Variants in SH3GL2 observed in about 807,000 individuals in gnomAD.
The protein encoded by SH3GL2 is endophilin-A1.
In SH3GL2, 24 loss-of-function variants were observed where a neutral mutation model predicts 46.0. The observed-to-expected ratio is 0.52, with a 90% CI of 0.38 to 0.73. The LOEUF is 0.73. Ranked by LOEUF, SH3GL2 falls within the 30% of genes least tolerant of loss-of-function variation. The pLI is 0.00. For synonymous variants in SH3GL2, 196 were observed against 147.1 expected, an observed-to-expected ratio of 1.33 and a Z score of -2.40; for missense variants, 413 against 424.2, an observed-to-expected ratio of 0.97 and a Z score of 0.23.
At chr9:17,640,151 T>C (rs1819642122) in intron 1 of SH3GL2, among the ~76,000 whole-genome samples, 1 of 151,718 alleles carries the variant, frequency 6.6e-6, no homozygotes, top group Non-Finnish European at 1.5e-5. Flanking sequence ...GTCATTAATT[T>C]GTAAAATTAT....
At chr9:17,731,132 C>T (rs1822167802) in intron 1 of SH3GL2, among the ~76,000 whole-genome samples, 1 of 152,062 alleles carries the variant, frequency 6.6e-6, no homozygotes, top group African/African-American at 2.4e-5. Context: ...AAAGCAGCGT[C>T]CTTTGGTTAT....
In SH3GL2 at chr9:17,793,603, A is replaced by G. The variant is rs1588343199; in HGVS notation, c.859+106A>G. ...CAATCTGGCTGCATAGGAAATATGC[A>G]GTAATACATTTCTTATGGAGTCAGT... On this transcript the variant is annotated intron_variant, in intron 8 of 8. Transcript: ENST00000380607. 6 of 1,050,420 alleles carry G rather than the reference A, an allele frequency of 5.7e-6. No homozygotes were observed. The East Asian group carries it at 1.6e-4, about 27-fold the overall frequency. The allele number at this position is 1,050,420 out of a possible 1,614,324, so 65.1% of individuals were successfully genotyped here.
At chr9:17,733,772 A>G (rs1439123117) in intron 1 of SH3GL2, among the ~76,000 whole-genome samples, 1 of 152,144 alleles carries the variant, frequency 6.6e-6, no homozygotes, top group Non-Finnish European at 1.5e-5. Flanking sequence ...CATATACACC[A>G]TGGAATACTA....
chr9:17,742,432 A>G (rs1050010489), intron 1 of SH3GL2, among the ~76,000 whole-genome samples: 3 of 152,204 alleles, frequency 2.0e-5, no homozygotes, highest in Admixed American at 2.0e-4. Context: ...AATATAGCAT[A>G]AGACATCCAC....
intron 1 of SH3GL2, among the ~76,000 whole-genome samples, chr9:17,617,061 A>C (rs898643965): frequency 1.3e-5 from 2 of 152,134 alleles, no homozygotes; most frequent in African/African-American, 4.8e-5. Flanking sequence ...GAATGCTAGC[A>C]TACATACTAT....
chr9:17,665,237 T>C (rs1444861085), intron 1 of SH3GL2, among the ~76,000 whole-genome samples: 1 of 152,192 alleles, frequency 6.6e-6, no homozygotes, highest in Non-Finnish European at 1.5e-5. Context: ...AACAAAACTT[T>C]TTATATCCAG....
At chr9:17,587,540 C>T (rs966469243) in intron 1 of SH3GL2, among the ~76,000 whole-genome samples, 16 of 152,312 alleles carry the variant, frequency 1.1e-4, no homozygotes, top group South Asian at 8.3e-4. Context: ...ATAGGGTTTT[C>T]ACTATCCATG....
chr9:17,673,134 A>G (rs577208529), intron 1 of SH3GL2, among the ~76,000 whole-genome samples: 3 of 149,214 alleles, frequency 2.0e-5, no homozygotes, highest in South Asian at 2.1e-4. Flanking sequence ...AGAGTCTCTC[A>G]CCTTGACTTT....
chr9:17,795,712 A>T lies in SH3GL2; in HGVS notation c.1028A>T (p.Tyr343Phe). Residue 343 changes from tyrosine (Y) to phenylalanine (F), a missense_variant, in exon 9 of 9, where the codon TAT becomes TTT. By Grantham distance (22) the Tyr-to-Phe change is conservative. Transcript: ENST00000380607. Reference sequence around the variant, plus strand: ...CATTCAGGCTTCTTCCCCATCAATTATGTGGAAATTCTGGTTGCCCTGCCC... The same window carrying T: ...CATTCAGGCTTCTTCCCCATCAATTTTGTGGAAATTCTGGTTGCCCTGCCC... ...HGHSGFFPIN[Y>F]VEILVALPH 2 of 1,613,990 alleles carry T rather than the reference A, an allele frequency of 1.2e-6. No individual in the cohort carries two copies. The highest frequency in any genetic ancestry group is 1.1e-5 in the South Asian group (1 of 91,062).
chr9:17,757,314 C>G (rs1000668155), intron 2 of SH3GL2, among the ~76,000 whole-genome samples: 9 of 152,124 alleles, frequency 5.9e-5, no homozygotes, highest in African/African-American at 1.9e-4. Context: ...CAAATGGGAT[C>G]TAATTAAACT....
intron 3 of SH3GL2, among the ~76,000 whole-genome samples, chr9:17,774,041 T>G (rs9406713): frequency 0.1 from 15,410 of 152,162 alleles, 867 homozygotes; most frequent in Non-Finnish European, 0.11. Flanking sequence ...CCTGAGTATT[T>G]TATTCTTTTT....
chr9:17,768,461 A>C (rs963998199), intron 3 of SH3GL2, among the ~76,000 whole-genome samples: 1 of 152,078 alleles, frequency 6.6e-6, no homozygotes, highest in African/African-American at 2.4e-5. Context: ...ATTGAGAATT[A>C]AGTTAATGGC....
In SH3GL2 at chr9:17,664,130, A is replaced by C. The variant is rs1443430327; in HGVS notation, c.46-82936A>C. Among the ~76,000 whole-genome samples, 6 of 152,324 alleles carry C rather than the reference A, an allele frequency of 3.9e-5. No homozygotes were observed. The East Asian group carries it at 1.2e-3, about 29-fold the overall frequency. Reference sequence around the variant, plus strand: ...TCCTAGCATTAATTCAGTACGCCTAAGTGAAGTTGCTAGCTGCTAAAGAAA... The same window carrying C: ...TCCTAGCATTAATTCAGTACGCCTACGTGAAGTTGCTAGCTGCTAAAGAAA... On this transcript the variant is annotated intron_variant, in intron 1 of 8. Coordinates refer to ENST00000380607, the MANE Select transcript of SH3GL2 (RefSeq NM_003026.5).
intron 1 of SH3GL2, among the ~76,000 whole-genome samples, chr9:17,716,287 G>A (rs1821755596): frequency 6.6e-6 from 1 of 152,028 alleles, no homozygotes; most frequent in South Asian, 2.1e-4. Flanking sequence ...TTGACTTAGG[G>A]GGCTGGATGT....
chr9:17,619,431 A>G (rs1426899209), intron 1 of SH3GL2, among the ~76,000 whole-genome samples: 1 of 152,202 alleles, frequency 6.6e-6, no homozygotes, highest in Non-Finnish European at 1.5e-5. Flanking sequence ...TAATCCCAGC[A>G]CTTTGGGAGG....
intron 1 of SH3GL2, among the ~76,000 whole-genome samples, chr9:17,714,777 A>T (rs1821710942): frequency 6.6e-6 from 1 of 151,796 alleles, no homozygotes. Flanking sequence ...ATAGGTTTTA[A>T]CAACAAAAAA....
intron 1 of SH3GL2, among the ~76,000 whole-genome samples, chr9:17,656,663 C>A (rs1251607495): frequency 6.8e-6 from 1 of 147,398 alleles, no homozygotes; most frequent in Non-Finnish European, 1.5e-5. Flanking sequence ...TATTGAGGAG[C>A]ATGTTTTGAA....
chr9:17,783,997 A>G (rs1823885250), intron 3 of SH3GL2, among the ~76,000 whole-genome samples: 1 of 152,178 alleles, frequency 6.6e-6, no homozygotes, highest in African/African-American at 2.4e-5. Context: ...ACATTTAAAG[A>G]TGGTTAATTT....
In SH3GL2 at chr9:17,709,248, A is replaced by G. The variant is rs188347014; in HGVS notation, c.46-37818A>G. Among the ~76,000 whole-genome samples the G allele has an allele frequency of 1.1e-3, 165 of 152,142 alleles. 1 individual carries two copies. Among genetic ancestry groups the G allele is most frequent in the African/African-American group, 3.9e-3 (160 of 41,538 alleles). On this transcript the variant is annotated intron_variant, in intron 1 of 8. Transcript: ENST00000380607. ...GGTTTATTTGTATACTACTTGTAAG[A>G]TAAGTCAGTCCTTTACAATATCCTG...
Sources: gnomAD v4.1 joint callset for allele counts (sites outside exome capture counted in the v4.1 genomes callset) on GRCh38, gnomAD v4.1.1 for gene constraint, MANE v1.5 for transcripts, NCBI Gene and HGNC (gene_info 2026-07-23, HGNC 2026-07-21) for gene names.